The following SFXN1 variants were observed in gnomAD, a reference collection of about 807,000 sequenced individuals.
The protein encoded by SFXN1 is sideroflexin-1.
In SFXN1, 32 loss-of-function variants were observed where a neutral mutation model predicts 39.5. That is an observed-to-expected ratio of 0.81 (90% CI 0.61 to 1.09). The LOEUF (loss-of-function observed/expected upper bound fraction) is 1.09, where lower values mean the gene tolerates loss of function less well. Ranked by LOEUF, SFXN1 falls within the 50% of genes least tolerant of loss-of-function variation. The pLI is 0.00. For synonymous variants in SFXN1, 136 were observed against 146.5 expected, an observed-to-expected ratio of 0.93 and a Z score of 0.52; for missense variants, 402 against 407.1, an observed-to-expected ratio of 0.99 and a Z score of 0.11.
chr5:175,485,812 G>A (rs757432355), intron 1 of SFXN1, among the ~76,000 whole-genome samples: 7 of 152,168 alleles, frequency 4.6e-5, no homozygotes, highest in African/African-American at 7.2e-5. Context: ...AGTAGTTGGC[G>A]TCAAGAACTC....
chr5:175,515,858 C>T (rs58656641), intron 7 of SFXN1, among the ~76,000 whole-genome samples: 21,482 of 152,076 alleles, frequency 0.14, 1,616 homozygotes, highest in African/African-American at 0.19. Context: ...AGACAAGTCA[C>T]CATCATGTTG....
At chr5:175,510,083 G>A (rs772809494) in intron 3 of SFXN1, 26 bp from the exon 4 acceptor site, 2 of 1,590,900 alleles carry the variant, frequency 1.3e-6, no homozygotes, top group Non-Finnish European at 1.7e-6. Context: ...GTGATGGTGG[G>A]TATGTGACGG....
intron 2 of SFXN1, among the ~76,000 whole-genome samples, chr5:175,497,088 C>A (rs982743449): frequency 1.3e-5 from 2 of 152,132 alleles, no homozygotes; most frequent in African/African-American, 4.8e-5. Context: ...GGTGTTTCAC[C>A]ATGTTGGCCA....
At chr5:175,481,625 TA>T (rs1469615159) in intron 1 of SFXN1, among the ~76,000 whole-genome samples, 3 of 152,202 alleles carry the variant, frequency 2.0e-5, no homozygotes, top group Non-Finnish European at 1.5e-5. Context: ...ATGGGTGTTT[TA>T]AAGTTAGTAG....
chr5:175,499,879 T>G (rs114293900), intron 2 of SFXN1, among the ~76,000 whole-genome samples: 1 of 152,174 alleles, frequency 6.6e-6, no homozygotes, highest in East Asian at 1.9e-4. Flanking sequence ...ACAGAAAACG[T>G]GATCATCTAT....
chr5:175,480,912 T>A (rs954042045), intron 1 of SFXN1, among the ~76,000 whole-genome samples: 2 of 152,210 alleles, frequency 1.3e-5, no homozygotes, highest in African/African-American at 4.8e-5. Context: ...ATCCATTTTT[T>A]AAAAAGGGGG....
intron 1 of SFXN1, chr5:175,484,163 C>G (rs1286594935): frequency 2.0e-5 from 3 of 152,302 alleles, no homozygotes; most frequent in African/African-American, 7.2e-5. Context: ...CGAGAAGCCT[C>G]TGTCCTAGCA....
At chr5:175,482,781 A>G (rs1177136010) in intron 1 of SFXN1, among the ~76,000 whole-genome samples, 1 of 152,258 alleles carries the variant, frequency 6.6e-6, no homozygotes, top group Non-Finnish European at 1.5e-5. Flanking sequence ...TCACATGTCT[A>G]GAAAGGAAAT....
chr5:175,487,823 C>T (rs1214934964), intron 1 of SFXN1, among the ~76,000 whole-genome samples: 3 of 152,172 alleles, frequency 2.0e-5, no homozygotes, highest in East Asian at 1.9e-4. Context: ...TCTTCTCCCT[C>T]GGCCCTCTCC....
chr5:175,491,761 A>G (rs1759663859), intron 1 of SFXN1: 1 of 175,654 alleles, frequency 5.7e-6, no homozygotes, highest in Admixed American at 6.2e-5. Context: ...TGCTGGGAAC[A>G]TAGGTGTGAG....
intron 2 of SFXN1, among the ~76,000 whole-genome samples, chr5:175,495,736 A>G (rs1158883261): frequency 1.3e-5 from 2 of 151,816 alleles, no homozygotes; most frequent in African/African-American, 4.8e-5. Context: ...CTCAAAAAAA[A>G]AAAAGGGTTA....
chr5:175,506,105 A>G (rs1760283289), intron 2 of SFXN1, among the ~76,000 whole-genome samples: 1 of 152,220 alleles, frequency 6.6e-6, no homozygotes, highest in Admixed American at 6.5e-5. Flanking sequence ...GGCGTAAGCC[A>G]TTGTGCTCGG....
rs141046708 is a variant in SFXN1 at position 175,529,493 on chromosome 5, G to T, written c.*2759G>T. 2 of 151,038 alleles carry T rather than the reference G, an allele frequency of 1.3e-5. No individual in the cohort carries two copies. Among genetic ancestry groups the T allele is most frequent in the East Asian group, 2.0e-4 (1 of 5,124 alleles). 9.4% of individuals were successfully genotyped at this position (151,038 alleles called of 1,614,324 possible). ...TATAAGAAAGAACAAATCAAGATTG[G>T]CAATCCTTGCCGATCTTTTAGAAAT... On this transcript the variant is annotated 3_prime_UTR_variant, in exon 11 of 11. Transcript: ENST00000321442.
At chr5:175,484,644 G>A (rs1471204453) in intron 1 of SFXN1, among the ~76,000 whole-genome samples, 3 of 152,246 alleles carry the variant, frequency 2.0e-5, no homozygotes, top group African/African-American at 7.2e-5. Flanking sequence ...ACACAAAATG[G>A]AGCCAGCACA....
intron 2 of SFXN1, among the ~76,000 whole-genome samples, chr5:175,508,812 A>G (rs1413355858): frequency 6.6e-6 from 1 of 151,454 alleles, no homozygotes; most frequent in African/African-American, 2.4e-5. Flanking sequence ...TAATTTTTGT[A>G]TCTTTAGTAG....
intron 9 of SFXN1, 85 bp downstream of exon 9, chr5:175,522,053 A>G: frequency 8.6e-7 from 1 of 1,165,648 alleles, no homozygotes. Flanking sequence ...AATATGGGAT[A>G]CAAATTTTGA....
Position 175,511,406 on chromosome 5 carries a change from C to T in SFXN1, c.435-45C>T, listed in dbSNP as rs199509751. The T allele has an allele frequency of 1.2e-5, 18 of 1,452,870 alleles. No homozygotes were observed. In the African/African-American group the frequency reaches 1.8e-4, roughly 15 times the overall value. 90.0% of individuals were successfully genotyped at this position (1,452,870 alleles called of 1,614,324 possible). A position where few individuals can be genotyped will look rare whatever the true frequency, so the allele number is the denominator to read the frequency against. On this transcript the variant is annotated intron_variant, in intron 4 of 10. Transcript: ENST00000321442. Reference sequence around the variant, plus strand: ...TCAAATAATGTTGCACCAGAGTTTCCTGACATGCCCTCGTCGTCCACACGA... The same window carrying T: ...TCAAATAATGTTGCACCAGAGTTTCTTGACATGCCCTCGTCGTCCACACGA...
chr5:175,516,071 C>T (rs1039393686), intron 7 of SFXN1, among the ~76,000 whole-genome samples: 1 of 149,066 alleles, frequency 6.7e-6, no homozygotes, highest in African/African-American at 2.6e-5. Flanking sequence ...AGAGCTCAGG[C>T]GTAATGCAAG....
At chr5:175,521,430 G>A (rs914383234) in intron 8 of SFXN1, among the ~76,000 whole-genome samples, 4 of 152,118 alleles carry the variant, frequency 2.6e-5, no homozygotes, top group African/African-American at 9.7e-5. Context: ...AATGTGATCT[G>A]GCATATCTTC....
Sources: allele counts gnomAD v4.1 joint callset (sites outside exome capture counted in the v4.1 genomes callset), GRCh38; gene constraint gnomAD v4.1.1; transcripts MANE v1.5; gene names NCBI Gene and HGNC (gene_info 2026-07-23, HGNC 2026-07-21).